Variants in NUP155 observed in about 807,000 individuals in gnomAD.
NUP155 encodes nucleoporin 155.
A neutral mutation model predicts 180.4 loss-of-function variants in NUP155; 71 were observed. The observed-to-expected ratio is 0.39, with a 90% confidence interval of 0.33 to 0.48. The LOEUF is 0.48. Among genes scored for constraint, NUP155 ranks in the 20% least tolerant of loss-of-function variants. The pLI, the probability that NUP155 is intolerant of heterozygous loss-of-function variation, is 0.91. For synonymous variants in NUP155, 582 were observed against 559.5 expected (o/e 1.04, Z -0.57); for missense variants, 1,553 against 1,648.9 (o/e 0.94, Z 1.01).
chr5:37,344,874 A>C (rs1176444686), intron 9 of NUP155, among the ~76,000 whole-genome samples: 1 of 150,680 alleles, frequency 6.6e-6, no homozygotes, highest in Admixed American at 6.6e-5. Context: ...TCCATCTCAA[A>C]AAAAAAAAAA....
intron 32 of NUP155, among the ~76,000 whole-genome samples, chr5:37,295,102 C>T (rs1242599061): frequency 2.6e-5 from 4 of 152,296 alleles, no homozygotes; most frequent in Middle Eastern, 3.4e-3. Flanking sequence ...GATGCCGAGC[C>T]GAAGCTGGAC....
At chr5:37,369,017 C>T (rs1747786429) in intron 1 of NUP155, among the ~76,000 whole-genome samples, 1 of 152,160 alleles carries the variant, frequency 6.6e-6, no homozygotes, top group Non-Finnish European at 1.5e-5. Flanking sequence ...CTTTGGAAGG[C>T]TGAGGTAGGA....
chr5:37,368,321 G>C (rs1051854178), intron 1 of NUP155, among the ~76,000 whole-genome samples: 2 of 139,432 alleles, frequency 1.4e-5, no homozygotes, highest in African/African-American at 5.4e-5. Flanking sequence ...CCCGTCTCAA[G>C]TTATCCTCCC....
At chr5:37,359,850 G>A (rs1747083555) in intron 3 of NUP155, among the ~76,000 whole-genome samples, 1 of 152,184 alleles carries the variant, frequency 6.6e-6, no homozygotes, top group Non-Finnish European at 1.5e-5. Context: ...TTACCTAATT[G>A]ACTATATGTA....
intron 25 of NUP155, among the ~76,000 whole-genome samples, chr5:37,305,446 C>T (rs532503191): frequency 5.8e-4 from 89 of 152,154 alleles, no homozygotes; most frequent in African/African-American, 1.5e-3. Context: ...CTCTGGGAGA[C>T]GAAGGCAGGG....
intron 1 of NUP155, among the ~76,000 whole-genome samples, chr5:37,365,533 C>G (rs1005467363): frequency 2.0e-5 from 3 of 151,094 alleles, no homozygotes; most frequent in Non-Finnish European, 2.9e-5. Context: ...TGGTGAAACC[C>G]TGTCTCCACT....
chr5:37,325,831 G>A, intron 19 of NUP155, 70 bp downstream of exon 19: 1 of 862,798 alleles, frequency 1.2e-6, no homozygotes, highest in Non-Finnish European at 1.9e-6. Context: ...CAGGAAATGT[G>A]AAACAATCTA....
Position 37,288,240 on chromosome 5 carries a change from GTTC to G in NUP155, c.*3657_*3659del, listed in dbSNP as rs1268080595. ...CAAAACCTTTCAATTCAATGTTCTAGTTCTTCATTTCCTTGATACAACTCTGTA... is the reference window on the plus strand; with the variant it reads ...CAAAACCTTTCAATTCAATGTTCTAGTTCATTTCCTTGATACAACTCTGTA... On this transcript the variant is annotated 3_prime_UTR_variant, in exon 35 of 35. Transcript: ENST00000231498. 2.6e-5 allele frequency: 4 copies of G among 152,132 alleles called. No individual in the cohort carries two copies. The highest frequency in any genetic ancestry group is 5.9e-5 in the Non-Finnish European group (4 of 68,022). The allele number at this position is 152,132 out of a possible 1,614,324, so 9.4% of individuals were successfully genotyped here.
At chr5:37,318,156 C>A (rs1286247291) in intron 20 of NUP155, 71 bp from the exon 21 acceptor site, 15 of 913,510 alleles carry the variant, frequency 1.6e-5, no homozygotes, top group Non-Finnish European at 2.8e-5. Context: ...CAGTACAATT[C>A]AAACATTTAA....
In NUP155 at chr5:37,322,231, C is replaced by G. The variant is rs180823616; in HGVS notation, c.2207+1761G>C. Among the ~76,000 whole-genome samples the G allele has an allele frequency of 4.9e-3, 743 of 152,280 alleles. 13 individuals carry two copies. Among genetic ancestry groups the G allele is most frequent in the Middle Eastern group, 6.8e-3 (2 of 294 alleles). On this transcript the variant is annotated intron_variant, in intron 20 of 34. Transcript: ENST00000231498. ...CGAACTCCTGGCTTCAAGCAATCCT[C>G]CTGCCTTGGCTTTCCAAAGTGTTGG...
Position 37,298,908 on chromosome 5 carries a change from AAGG to A in NUP155, c.3750_3752del (p.Leu1251del). ...GTGGTGTGCCAGCATAAATTTTGCC[AAGG>A]AGAACAATCTTGAGACTAAGAGCAT... On this transcript the variant is annotated inframe_deletion, in exon 32 of 35. Coordinates refer to ENST00000231498, the MANE Select transcript of NUP155 (RefSeq NM_153485.3). The A allele has an allele frequency of 6.2e-7, 1 of 1,613,282 alleles. No individual in the cohort carries two copies. The highest frequency in any genetic ancestry group is 8.5e-7 in the Non-Finnish European group (1 of 1,179,212).
In NUP155 at chr5:37,294,457, C is replaced by A; in HGVS notation, c.3802G>T (p.Val1268Leu). The A allele has an allele frequency of 6.2e-7, 1 of 1,612,958 alleles. No individual in the cohort carries two copies. Among genetic ancestry groups the A allele is most frequent in the Non-Finnish European group, 8.5e-7 (1 of 1,179,506 alleles). Residue 1268 changes from valine (V) to leucine (L), a missense_variant, in exon 33 of 35, where the codon GTA becomes TTA. Coordinates refer to ENST00000231498, the MANE Select transcript of NUP155 (RefSeq NM_153485.3). ...TPRFFPLDFI[V>L]QFLEQQVCTL... ...CAAACCTGCTGTTCTAAAAACTGTA[C>A]AATAAAATCTGGGAAGAAAAAAAAA...
At chr5:37,340,937 T>C (rs1026624944) in intron 11 of NUP155, among the ~76,000 whole-genome samples, 153 bp downstream of exon 11, 5 of 152,164 alleles carry the variant, frequency 3.3e-5, no homozygotes, top group African/African-American at 1.2e-4. Context: ...CAATAGTCCG[T>C]TTTTCAACCC....
intron 27 of NUP155, among the ~76,000 whole-genome samples, chr5:37,304,357 T>C (rs904962358): frequency 6.6e-6 from 1 of 151,796 alleles, no homozygotes. Flanking sequence ...CTCAAAGGCA[T>C]TATTGAAATT....
At chr5:37,359,816 C>T (rs1459572434) in intron 3 of NUP155, among the ~76,000 whole-genome samples, 4 of 152,098 alleles carry the variant, frequency 2.6e-5, no homozygotes, top group Non-Finnish European at 4.4e-5. Context: ...ATGAACTATA[C>T]ATATAGGCTT....
chr5:37,304,005 C>T (rs891230693), intron 27 of NUP155, among the ~76,000 whole-genome samples: 4 of 146,846 alleles, frequency 2.7e-5, no homozygotes, highest in African/African-American at 7.6e-5. Context: ...CCCAGCACTT[C>T]GGGAAGCTGA....
intron 18 of NUP155, 103 bp downstream of exon 18, chr5:37,327,526 A>C: frequency 7.4e-7 from 1 of 1,355,650 alleles, no homozygotes; most frequent in Non-Finnish European, 1.0e-6. Flanking sequence ...TAAAACTAAA[A>C]TTTAATAGGA....
intron 19 of NUP155, among the ~76,000 whole-genome samples, chr5:37,324,928 T>A (rs142562990): frequency 0.012 from 1,822 of 151,748 alleles, 35 homozygotes; most frequent in African/African-American, 0.042. Flanking sequence ...GGTGGGCGGA[T>A]CATTTGAGGT....
At chr5:37,348,044 G>T (rs1746214407) in intron 9 of NUP155, among the ~76,000 whole-genome samples, 1 of 152,156 alleles carries the variant, frequency 6.6e-6, no homozygotes, top group African/African-American at 2.4e-5. Flanking sequence ...TGAGGCAGGA[G>T]AATCGCTTGA....
Sources: gnomAD v4.1 joint callset for allele counts (sites outside exome capture counted in the v4.1 genomes callset) on GRCh38, gnomAD v4.1.1 for gene constraint, MANE v1.5 for transcripts, NCBI Gene and HGNC (gene_info 2026-07-23, HGNC 2026-07-21) for gene names.